Variants in CADM1 observed in about 807,000 individuals in gnomAD.
CADM1 encodes the protein TSLC-1.
A neutral mutation model predicts 53.1 loss-of-function variants in CADM1; 15 were observed. The ratio of observed to expected loss-of-function variants is 0.28; its 90% CI spans 0.19 to 0.44. The LOEUF (loss-of-function observed/expected upper bound fraction) is 0.44, where lower values mean the gene tolerates loss of function less well. CADM1 is among the 20% of genes least tolerant of loss of function. The pLI is 1.00. For synonymous variants in CADM1, 281 were observed against 243.0 expected (o/e 1.16, Z -1.45); for missense variants, 434 against 611.3 (o/e 0.71, Z 3.06).
chr11:115,197,999 T>C (rs1384470461), intron 9 of CADM1, among the ~76,000 whole-genome samples: 1 of 152,190 alleles, frequency 6.6e-6, no homozygotes, highest in African/African-American at 2.4e-5. Flanking sequence ...CACAAATGAC[T>C]CCTCTTCAAG....
chr11:115,379,382 T>C (rs563760900), intron 1 of CADM1, among the ~76,000 whole-genome samples: 1 of 152,270 alleles, frequency 6.6e-6, no homozygotes, highest in African/African-American at 2.4e-5. Context: ...TATAGAAAGG[T>C]TGGGTTGAGG....
intron 1 of CADM1, among the ~76,000 whole-genome samples, chr11:115,301,554 A>G (rs1481975512): frequency 1.3e-5 from 2 of 152,138 alleles, no homozygotes; most frequent in Non-Finnish European, 2.9e-5. Context: ...CATCACATTT[A>G]TATCATATAA....
chr11:115,402,523 A>AAAAAC (rs572324634), intron 1 of CADM1, among the ~76,000 whole-genome samples: 32 of 152,306 alleles, frequency 2.1e-4, no homozygotes, highest in East Asian at 5.8e-4. Flanking sequence ...ACTCTGTCTC[A>AAAAAC]AAAACAAAAC....
intron 1 of CADM1, chr11:115,377,869 A>G (rs1946478497): frequency 6.6e-6 from 1 of 152,170 alleles, no homozygotes; most frequent in Non-Finnish European, 1.5e-5. Flanking sequence ...AGAGAAAAAA[A>G]CTTCTCAAAA....
chr11:115,173,671 A>G lies in CADM1; in HGVS notation c.*2803T>C. 1 of 470,998 alleles carries G rather than the reference A, an allele frequency of 2.1e-6. No homozygotes were observed. Among genetic ancestry groups the G allele is most frequent in the Non-Finnish European group, 2.8e-6 (1 of 362,022 alleles). 29.2% of individuals were successfully genotyped at this position (470,998 alleles called of 1,614,324 possible). A position where few individuals can be genotyped will look rare whatever the true frequency, so the allele number is the denominator to read the frequency against. ...TTTTTATTAAGAAGACAGATATTTT[A>G]TAGTACTTCTTTTTTTTCTTTTTTT... On this transcript the variant is annotated 3_prime_UTR_variant, in exon 12 of 12. Transcript: ENST00000331581.
chr11:115,353,779 GTAA>G (rs1037722933), intron 1 of CADM1, among the ~76,000 whole-genome samples: 17 of 152,250 alleles, frequency 1.1e-4, no homozygotes, highest in African/African-American at 4.1e-4. Flanking sequence ...AAGGAGGGTG[GTAA>G]GTGGGTAGAC....
chr11:115,400,593 C>CTTTTATATATATATAATATATATATATA (rs1451585453), intron 1 of CADM1, among the ~76,000 whole-genome samples: 1 of 105,738 alleles, frequency 9.5e-6, no homozygotes, highest in South Asian at 3.1e-4. Context: ...ATATATATAT[C>CTTTTATATATATATAATATATATATATA]TCTCATATAT....
intron 1 of CADM1, among the ~76,000 whole-genome samples, chr11:115,472,383 T>C (rs899897283): frequency 6.6e-6 from 1 of 152,134 alleles, no homozygotes; most frequent in African/African-American, 2.4e-5. Context: ...GAAGAGCATA[T>C]ATTAGAACAG....
In CADM1 at chr11:115,234,891, T is replaced by TC. The variant is rs1386586224; in HGVS notation, c.425-3402dup. ...CTGGGCGACACAGGGAGACTCCGTC[T>TC]CCAAAAAAAAAAAAAAAAAAAAAAA... is the stretch of plus-strand genomic sequence containing the variant. On this transcript the variant is annotated intron_variant, in intron 3 of 11. Coordinates refer to ENST00000331581, the MANE Select transcript of CADM1 (RefSeq NM_001301043.2). Among the ~76,000 whole-genome samples, 191 of 40,318 alleles carry TC rather than the reference T, an allele frequency of 4.7e-3. 1 individual carries two copies. Among genetic ancestry groups the TC allele is most frequent in the African/African-American group, 0.024 (177 of 7,238 alleles). 26.5% of individuals were successfully genotyped at this position (40,318 alleles called of 152,430 possible). A position where few individuals can be genotyped will look rare whatever the true frequency, so the allele number is the denominator to read the frequency against.
chr11:115,375,342 G>A (rs953457314), intron 1 of CADM1, among the ~76,000 whole-genome samples: 1 of 152,152 alleles, frequency 6.6e-6, no homozygotes, highest in Non-Finnish European at 1.5e-5. Flanking sequence ...TATCACTGGG[G>A]AGGAAGGAAG....
intron 1 of CADM1, among the ~76,000 whole-genome samples, chr11:115,497,978 A>T (rs1949657747): frequency 1.4e-5 from 2 of 138,958 alleles, no homozygotes; most frequent in Admixed American, 1.4e-4. Flanking sequence ...AGAGCCTCAA[A>T]AAAAAAAAAA....
At chr11:115,195,676 T>C (rs1304131302) in intron 9 of CADM1, among the ~76,000 whole-genome samples, 1 of 152,254 alleles carries the variant, frequency 6.6e-6, no homozygotes, top group East Asian at 1.9e-4. Flanking sequence ...AAATCAGTTC[T>C]GTATCATCAT....
In CADM1 at chr11:115,174,166, C is replaced by CTT. The variant is rs1402770499; in HGVS notation, c.*2307_*2308insAA. On this transcript the variant is annotated 3_prime_UTR_variant, in exon 12 of 12. Coordinates refer to ENST00000331581, the MANE Select transcript of CADM1 (RefSeq NM_001301043.2). ...CCTGAGACATGTCAACATTGTAAGC[C>CTT]ATAAAGTTACATCAGGAACACTGCA... 1 of 985,250 alleles carries CTT rather than the reference C, an allele frequency of 1.0e-6. No individual in the cohort carries two copies. Among genetic ancestry groups the CTT allele is most frequent in the Non-Finnish European group, 1.2e-6 (1 of 829,922 alleles). The allele number at this position is 985,250 out of a possible 1,614,324, so 61.0% of individuals were successfully genotyped here.
At chr11:115,460,152 C>G (rs1279324474) in intron 1 of CADM1, among the ~76,000 whole-genome samples, 1 of 152,014 alleles carries the variant, frequency 6.6e-6, no homozygotes, top group African/African-American at 2.4e-5. Flanking sequence ...TTTAGGCTAT[C>G]GTAAGCTTCT....
At chr11:115,304,147 T>C (rs1944304359) in intron 1 of CADM1, among the ~76,000 whole-genome samples, 1 of 152,090 alleles carries the variant, frequency 6.6e-6, no homozygotes, top group African/African-American at 2.4e-5. Context: ...CATGGATTCA[T>C]TTGTGATCTG....
At chr11:115,261,071 A>G (rs1254257657) in intron 1 of CADM1, among the ~76,000 whole-genome samples, 1 of 152,110 alleles carries the variant, frequency 6.6e-6, no homozygotes, top group Non-Finnish European at 1.5e-5. Flanking sequence ...AGTGCTTCTC[A>G]ATGCCTGAGA....
intron 1 of CADM1, among the ~76,000 whole-genome samples, chr11:115,386,184 T>C (rs532973162): frequency 1.3e-3 from 199 of 152,328 alleles, no homozygotes; most frequent in African/African-American, 4.4e-3. Context: ...CACAAACCCG[T>C]TGTAATTTTG....
intron 1 of CADM1, among the ~76,000 whole-genome samples, chr11:115,411,223 G>T: frequency 6.6e-6 from 1 of 152,042 alleles, no homozygotes; most frequent in East Asian, 1.9e-4. Flanking sequence ...AAAATATAAC[G>T]ACTACACTAA....
intron 1 of CADM1, among the ~76,000 whole-genome samples, chr11:115,259,804 C>T (rs1942916820): frequency 6.6e-6 from 1 of 152,198 alleles, no homozygotes; most frequent in South Asian, 2.1e-4. Flanking sequence ...TCTTCAGCAT[C>T]GTTTTCTCCC....
Sources: allele counts gnomAD v4.1 joint callset (sites outside exome capture counted in the v4.1 genomes callset), GRCh38; gene constraint gnomAD v4.1.1; transcripts MANE v1.5; gene names NCBI Gene and HGNC (gene_info 2026-07-23, HGNC 2026-07-21).